Variants in NDUFS4 observed in about 807,000 individuals in gnomAD.
The protein encoded by NDUFS4 is NADH:ubiquinone oxidoreductase subunit S4.
In NDUFS4, 28 loss-of-function variants were observed where a neutral mutation model predicts 24.3. The observed-to-expected ratio is 1.15, with a 90% CI of 0.85 to 1.58. The LOEUF is 1.58. Ranked by LOEUF, NDUFS4 falls within the 40% of genes most tolerant of loss-of-function variation. The pLI is 0.00. For synonymous variants in NDUFS4, 93 were observed against 69.7 expected (o/e 1.34, Z -1.67); for missense variants, 223 against 207.9 (o/e 1.07, Z -0.45).
intron 3 of NDUFS4, among the ~76,000 whole-genome samples, chr5:53,650,217 C>T (rs184286970): frequency 1.9e-4 from 29 of 152,172 alleles, no homozygotes; most frequent in African/African-American, 5.8e-4. Context: ...GCCTTGTATA[C>T]GCTAAATTGT....
chr5:53,639,256 G>T (rs960617198), intron 2 of NDUFS4, among the ~76,000 whole-genome samples: 1 of 151,576 alleles, frequency 6.6e-6, no homozygotes, highest in Admixed American at 6.6e-5. Context: ...TAGCAATTGT[G>T]AATTGTCATG....
intron 4 of NDUFS4, among the ~76,000 whole-genome samples, chr5:53,665,613 G>A (rs1272837346): frequency 1.3e-5 from 2 of 152,218 alleles, no homozygotes; most frequent in African/African-American, 4.8e-5. Flanking sequence ...GTGGGCATAG[G>A]ACCCTCCGAG....
chr5:53,612,135 T>C (rs1001233875), intron 2 of NDUFS4, among the ~76,000 whole-genome samples: 1 of 152,086 alleles, frequency 6.6e-6, no homozygotes, highest in East Asian at 1.9e-4. Context: ...TTTAATAGTT[T>C]AGACATTACA....
chr5:53,621,808 T>C (rs1448469240), intron 2 of NDUFS4, among the ~76,000 whole-genome samples: 1 of 149,392 alleles, frequency 6.7e-6, no homozygotes, highest in Non-Finnish European at 1.5e-5. Context: ...TTCACGCCAT[T>C]CTCCTGCCTC....
intron 2 of NDUFS4, among the ~76,000 whole-genome samples, chr5:53,605,145 T>TGGGAGGTGGAGGTTGCA (rs1296711109): frequency 6.6e-6 from 1 of 152,106 alleles, no homozygotes; most frequent in Admixed American, 6.5e-5. Flanking sequence ...CGCTTGAACC[T>TGGGAGGTGGAGGTTGCA]GGGAGGTGGA....
In NDUFS4 at chr5:53,662,636, TG is replaced by T. The variant is rs373914844; in HGVS notation, c.424+4014del. Among the ~76,000 whole-genome samples the T allele has an allele frequency of 1.8e-3, 267 of 152,212 alleles. 9 individuals carry two copies. In the South Asian group the frequency reaches 0.054, roughly 31 times the overall value. ...AATCCATCTGGTCCTGGACTTTTTTTGGTTGGTAATCTATTAATTATTGCCT... is the reference window on the plus strand; with the variant it reads ...AATCCATCTGGTCCTGGACTTTTTTTGTTGGTAATCTATTAATTATTGCCT... On this transcript the variant is annotated intron_variant, in intron 4 of 4. Coordinates refer to ENST00000296684, the MANE Select transcript of NDUFS4 (RefSeq NM_002495.4).
At chr5:53,618,173 G>A (rs1750912486) in intron 2 of NDUFS4, among the ~76,000 whole-genome samples, 1 of 152,136 alleles carries the variant, frequency 6.6e-6, no homozygotes, top group African/African-American at 2.4e-5. Flanking sequence ...CTGGGAGACT[G>A]AGGCAGGAGC....
chr5:53,616,155 A>G (rs991070002), intron 2 of NDUFS4, among the ~76,000 whole-genome samples: 2 of 151,716 alleles, frequency 1.3e-5, no homozygotes, highest in East Asian at 3.8e-4. Flanking sequence ...CATTCAAGAT[A>G]TTTTTTTACT....
At chr5:53,563,052 A>AC (rs1282072147) in intron 1 of NDUFS4, among the ~76,000 whole-genome samples, 1 of 151,934 alleles carries the variant, frequency 6.6e-6, no homozygotes, top group Non-Finnish European at 1.5e-5. Context: ...ACACGGTGAA[A>AC]CCCCGTCTCT....
At chr5:53,683,083 G>GTT (rs1419132908) in intron 4 of NDUFS4, 35 bp from the exon 5 acceptor site, 1 of 1,379,892 alleles carries the variant, frequency 7.2e-7, no homozygotes, top group Non-Finnish European at 1.0e-6. Context: ...CTTTAATTCT[G>GTT]TTTCTGTGGA....
chr5:53,664,961 A>G (rs1752469788), intron 4 of NDUFS4, among the ~76,000 whole-genome samples: 1 of 152,012 alleles, frequency 6.6e-6, no homozygotes, highest in Admixed American at 6.6e-5. Context: ...TTGTGGTTTT[A>G]TCTACCTTTG....
intron 1 of NDUFS4, among the ~76,000 whole-genome samples, chr5:53,566,030 G>A (rs1040505767): frequency 4.6e-5 from 7 of 152,118 alleles, no homozygotes; most frequent in East Asian, 1.9e-4. Context: ...ATAATTAGCC[G>A]GGTGCGGTGG....
intron 1 of NDUFS4, among the ~76,000 whole-genome samples, chr5:53,574,479 G>T (rs892987194): frequency 7.9e-5 from 12 of 152,238 alleles, no homozygotes; most frequent in African/African-American, 2.6e-4. Context: ...CTTTGTTGAA[G>T]ATTTTTACAT....
chr5:53,665,667 C>G (rs193291252), intron 4 of NDUFS4, among the ~76,000 whole-genome samples: 7 of 152,238 alleles, frequency 4.6e-5, no homozygotes, highest in Admixed American at 4.6e-4. Flanking sequence ...TTGCTAAGAC[C>G]GTTGGAAAAG....
chr5:53,610,200 G>T (rs968174876), intron 2 of NDUFS4, among the ~76,000 whole-genome samples: 2 of 151,996 alleles, frequency 1.3e-5, no homozygotes, highest in African/African-American at 4.8e-5. Context: ...AACTCTTATT[G>T]TTGGGTTATT....
chr5:53,649,765 A>G (rs1160713902), intron 3 of NDUFS4, among the ~76,000 whole-genome samples: 4 of 152,152 alleles, frequency 2.6e-5, no homozygotes, highest in Non-Finnish European at 4.4e-5. Context: ...ACTGTATTCC[A>G]TAGGGGTTGA....
At chr5:53,647,078 T>TTATA (rs548523698) in intron 3 of NDUFS4, among the ~76,000 whole-genome samples, 1 of 151,236 alleles carries the variant, frequency 6.6e-6, no homozygotes, top group East Asian at 1.9e-4. Flanking sequence ...GTAATATATA[T>TTATA]TATATATATA....
In NDUFS4 at chr5:53,588,609, T is replaced by A. The variant is rs537400204; in HGVS notation, c.99-14843T>A. Among the ~76,000 whole-genome samples, 11 of 152,302 alleles carry A rather than the reference T, an allele frequency of 7.2e-5. No homozygotes were observed. The East Asian group carries it at 1.7e-3, about 24-fold the overall frequency. On this transcript the variant is annotated intron_variant, in intron 1 of 4. Coordinates refer to ENST00000296684, the MANE Select transcript of NDUFS4 (RefSeq NM_002495.4). ...GTGAAAAATATATGAATGCTGGTAA[T>A]TTTTGTTTTCTTCTGCATGTATTCA...
intron 2 of NDUFS4, chr5:53,604,946 G>A (rs1750451756): frequency 2.7e-5 from 12 of 449,020 alleles, no homozygotes; most frequent in South Asian, 1.9e-4. Flanking sequence ...GAGGGGCAGG[G>A]CATGGTGGCT....
Sources: allele counts gnomAD v4.1 joint callset (sites outside exome capture counted in the v4.1 genomes callset), GRCh38; gene constraint gnomAD v4.1.1; transcripts MANE v1.5; gene names NCBI Gene and HGNC (gene_info 2026-07-23, HGNC 2026-07-21).